Variants in PTPN3 observed in about 807,000 individuals in gnomAD.
PTPN3 encodes tyrosine-protein phosphatase non-receptor type 3.
Under a neutral mutation model 132.7 loss-of-function variants are expected in PTPN3, and 96 were observed. That is an observed-to-expected ratio of 0.72 (90% confidence interval 0.61 to 0.86). PTPN3 has a LOEUF of 0.86. PTPN3 is among the 40% of genes least tolerant of loss of function. PTPN3 has a pLI of 0.00. For missense variants in PTPN3, 1,125 were observed against 1,159.6 expected (o/e 0.97, Z 0.43); for synonymous variants, 398 against 429.0 (o/e 0.93, Z 0.89).
chr9:109,505,952 C>T, the PTPN3 span, among the ~76,000 whole-genome samples: 3 of 151,808 alleles, frequency 2.0e-5, no homozygotes, highest in Non-Finnish European at 4.4e-5. Context: ...AGGGTTTCAC[C>T]GTGTTAGCCA....
chr9:109,411,176 A>T (rs1312918925), intron 14 of PTPN3, among the ~76,000 whole-genome samples: 1 of 152,238 alleles, frequency 6.6e-6, no homozygotes, highest in East Asian at 1.9e-4. Flanking sequence ...CCTGCTGGAC[A>T]GCGCTGTCTT....
chr9:109,455,569 C>G (rs1347818376), intron 4 of PTPN3, among the ~76,000 whole-genome samples: 2 of 152,226 alleles, frequency 1.3e-5, no homozygotes, highest in African/African-American at 4.8e-5. Context: ...CCTGAGTACA[C>G]CTGTCCACAT....
At chr9:109,398,637 G>A (rs1414777924) in intron 19 of PTPN3, among the ~76,000 whole-genome samples, 1 of 152,146 alleles carries the variant, frequency 6.6e-6, no homozygotes, top group African/African-American at 2.4e-5. Context: ...TTCTCTTGTG[G>A]TGTTCCTCAT....
At chr9:109,482,068 A>AAATG (rs1417049736) in intron 1 of PTPN3, among the ~76,000 whole-genome samples, 5 of 152,266 alleles carry the variant, frequency 3.3e-5, no homozygotes, top group African/African-American at 1.2e-4. Flanking sequence ...TGAAATGCAC[A>AAATG]AATGAATGAA....
chr9:109,506,657 C>G, the PTPN3 span, among the ~76,000 whole-genome samples: 1 of 149,084 alleles, frequency 6.7e-6, no homozygotes, highest in Non-Finnish European at 1.5e-5. Flanking sequence ...GGCAGGAGTG[C>G]AGAGGTACAT....
At chr9:109,449,027 T>C in intron 5 of PTPN3, 172 bp from the exon 6 acceptor site, 1 of 1,421,562 alleles carries the variant, frequency 7.0e-7, no homozygotes, top group South Asian at 1.6e-5. Context: ...AGCTGCCCTG[T>C]CATTACTGAT....
intron 19 of PTPN3, among the ~76,000 whole-genome samples, chr9:109,393,373 GT>G (rs754599159): frequency 7.1e-6 from 1 of 139,922 alleles, no homozygotes; most frequent in African/African-American, 2.6e-5. Flanking sequence ...ATTTTTAATG[GT>G]TTTTTTTGTC....
At chr9:109,522,159 A>T in the PTPN3 span, among the ~76,000 whole-genome samples, 7 of 152,350 alleles carry the variant, frequency 4.6e-5, no homozygotes, top group African/African-American at 1.7e-4. Context: ...GAATATGTTA[A>T]ACTCTCAGGA....
intron 19 of PTPN3, among the ~76,000 whole-genome samples, chr9:109,402,549 G>C (rs1040105913): frequency 6.6e-6 from 1 of 152,030 alleles, no homozygotes; most frequent in African/African-American, 2.4e-5. Context: ...TAAGTGCTGG[G>C]ATTATAGGTG....
intron 12 of PTPN3, among the ~76,000 whole-genome samples, chr9:109,425,720 A>C (rs1162296956): frequency 1.4e-5 from 2 of 141,544 alleles, no homozygotes; most frequent in Non-Finnish European, 3.1e-5. Context: ...CAAAACAAAA[A>C]AGAGAGAATA....
At chr9:109,500,983 T>G (rs190240320), upstream of PTPN3, among the ~76,000 whole-genome samples, 1 of 152,208 alleles carries the variant, frequency 6.6e-6, no homozygotes, top group Non-Finnish European at 1.5e-5. Flanking sequence ...AACATGGTGT[T>G]GACACATTCA....
chr9:109,477,669 C>G (rs747180367), intron 1 of PTPN3, among the ~76,000 whole-genome samples: 1 of 152,218 alleles, frequency 6.6e-6, no homozygotes. Context: ...TTAGCAGCAG[C>G]GGGAGGGCAG....
chr9:109,518,452 C>G, the PTPN3 span, among the ~76,000 whole-genome samples: 7 of 152,296 alleles, frequency 4.6e-5, no homozygotes, highest in African/African-American at 1.7e-4. Flanking sequence ...TGCAGAGAAC[C>G]TTTGGCCATA....
chr9:109,406,319 A>G, intron 18 of PTPN3, 143 bp downstream of exon 18: 1 of 1,152,476 alleles, frequency 8.7e-7, no homozygotes, highest in East Asian at 2.4e-5. Context: ...TGAGAAGCCA[A>G]ACATTCGGTT....
At chr9:109,515,006 G>T in the PTPN3 span, among the ~76,000 whole-genome samples, 5 of 152,006 alleles carry the variant, frequency 3.3e-5, no homozygotes, top group African/African-American at 1.2e-4. Context: ...CATTATTGGG[G>T]CCAGAGCTGG....
chr9:109,408,781 T>TAA lies in PTPN3; in HGVS notation c.1579-406_1579-405dup, dbSNP rs768982568. ...CATGTACCCTAGAACTTATAATAAT[T>TAA]AAAAAAAAAAAAAAAATATATATAT... On this transcript the variant is annotated intron_variant, in intron 16 of 25. Transcript: ENST00000374541. Among the ~76,000 whole-genome samples, 38 of 62,130 alleles carry TAA rather than the reference T, an allele frequency of 6.1e-4. 1 individual carries two copies. The highest frequency in any genetic ancestry group is 4.5e-3 in the East Asian group (13 of 2,868). The allele number at this position is 62,130 out of a possible 152,430, so 40.8% of individuals were successfully genotyped here.
At chr9:109,415,874 T>C (rs1253474263) in intron 14 of PTPN3, among the ~76,000 whole-genome samples, 3 of 152,022 alleles carry the variant, frequency 2.0e-5, no homozygotes, top group African/African-American at 7.3e-5. Flanking sequence ...GGAGCTGAGA[T>C]TGGATCATAT....
intron 14 of PTPN3, among the ~76,000 whole-genome samples, chr9:109,419,374 C>T (rs1451049388): frequency 6.6e-6 from 1 of 152,210 alleles, no homozygotes; most frequent in Non-Finnish European, 1.5e-5. Context: ...AAAAAATTTA[C>T]AGATTAACTA....
At chr9:109,492,067 A>G (rs1847486556) in intron 1 of PTPN3, among the ~76,000 whole-genome samples, 1 of 152,114 alleles carries the variant, frequency 6.6e-6, no homozygotes, top group East Asian at 1.9e-4. Context: ...TTTATTTTCT[A>G]CAAGAACCAT....
Sources: gnomAD v4.1 joint callset for allele counts (sites outside exome capture counted in the v4.1 genomes callset) on GRCh38, gnomAD v4.1.1 for gene constraint, MANE v1.5 for transcripts, NCBI Gene and HGNC (gene_info 2026-07-23, HGNC 2026-07-21) for gene names.